Variants in OSBPL6 observed in about 807,000 individuals in gnomAD.
The protein encoded by OSBPL6 is oxysterol-binding protein-related protein 6.
OSBPL6 carries 49 observed loss-of-function variants against 125.8 expected under a neutral mutation model. That is an observed-to-expected ratio of 0.39 (90% CI 0.31 to 0.49). The LOEUF (loss-of-function observed/expected upper bound fraction) is 0.49, where lower values mean the gene tolerates loss of function less well. Among genes scored for constraint, OSBPL6 ranks in the 20% least tolerant of loss-of-function variants. OSBPL6 has a pLI of 0.88. For synonymous variants in OSBPL6, 394 were observed against 391.8 expected, an observed-to-expected ratio of 1.01 and a Z score of -0.07; for missense variants, 986 against 1,135.4, an observed-to-expected ratio of 0.87 and a Z score of 1.89.
At chr2:178,249,903 T>C (rs1471754719) in intron 1 of OSBPL6, among the ~76,000 whole-genome samples, 2 of 150,898 alleles carry the variant, frequency 1.3e-5, no homozygotes, top group Non-Finnish European at 2.9e-5. Context: ...CCACTTCCAG[T>C]AGGAGAGAGT....
intron 10 of OSBPL6, 78 bp downstream of exon 10, chr2:178,339,172 TAA>T (rs1448793889): frequency 1.3e-5 from 10 of 788,760 alleles, no homozygotes; most frequent in African/African-American, 1.3e-4. Context: ...TATGAATATA[TAA>T]GGTAACATTT....
chr2:178,383,341 C>G, intron 17 of OSBPL6, 64 bp downstream of exon 17: 1 of 1,546,322 alleles, frequency 6.5e-7, no homozygotes, highest in African/African-American at 1.4e-5. Context: ...TGGGCTAAGC[C>G]AGAATTCATT....
At chr2:178,327,492 G>C (rs1411905425) in intron 4 of OSBPL6, among the ~76,000 whole-genome samples, 3 of 152,296 alleles carry the variant, frequency 2.0e-5, no homozygotes, top group African/African-American at 7.2e-5. Flanking sequence ...TACATAGATG[G>C]AGATTATTTT....
At position 178,265,896 on chromosome 2, in the gene OSBPL6, G is replaced by GA. The variant is rs2092217797; in HGVS notation, c.-350-19024dup. On this transcript the variant is annotated intron_variant, in intron 1 of 24. Transcript: ENST00000190611. ...AGACTAGTGGGTAAAACATATGCCT[G>GA]AAAAAAATCACAGAAATCTCTAATT... Among the ~76,000 whole-genome samples, 4 of 152,160 alleles carry GA rather than the reference G, an allele frequency of 2.6e-5. No homozygotes were observed. In the South Asian group the frequency reaches 6.2e-4, roughly 24 times the overall value.
At chr2:178,274,865 G>A (rs2092438877) in intron 1 of OSBPL6, among the ~76,000 whole-genome samples, 1 of 151,922 alleles carries the variant, frequency 6.6e-6, no homozygotes, top group African/African-American at 2.4e-5. Flanking sequence ...GTACCCTGCT[G>A]AGCAGTTTAA....
At chr2:178,387,890 G>A (rs767521501) in intron 20 of OSBPL6, among the ~76,000 whole-genome samples, 12 of 152,060 alleles carry the variant, frequency 7.9e-5, no homozygotes, top group Non-Finnish European at 1.3e-4. Context: ...TATAATCCCA[G>A]CTACTCGGGA....
intron 1 of OSBPL6, among the ~76,000 whole-genome samples, chr2:178,258,695 A>G (rs1379844814): frequency 6.6e-6 from 1 of 152,070 alleles, no homozygotes; most frequent in Admixed American, 6.6e-5. Context: ...TGTCTCTCCA[A>G]AAAAAATTCC....
At chr2:178,336,984 A>T (rs1689744081) in intron 9 of OSBPL6, among the ~76,000 whole-genome samples, 1 of 152,160 alleles carries the variant, frequency 6.6e-6, no homozygotes, top group Non-Finnish European at 1.5e-5. Flanking sequence ...TCCACTGTGG[A>T]TCAGTGATTC....
At chr2:178,236,215 T>G (rs2091046024) in intron 1 of OSBPL6, among the ~76,000 whole-genome samples, 1 of 152,196 alleles carries the variant, frequency 6.6e-6, no homozygotes, top group Non-Finnish European at 1.5e-5. Flanking sequence ...TACTCTTATA[T>G]CTTAATCCTG....
chr2:178,349,496 G>A, intron 12 of OSBPL6, 107 bp downstream of exon 12: 1 of 1,349,628 alleles, frequency 7.4e-7, no homozygotes, highest in Non-Finnish European at 1.0e-6. Context: ...AAGATTAAAT[G>A]GTTGGATATA....
chr2:178,300,073 A>G (rs1686141368), intron 2 of OSBPL6, among the ~76,000 whole-genome samples: 1 of 152,254 alleles, frequency 6.6e-6, no homozygotes, highest in Non-Finnish European at 1.5e-5. Flanking sequence ...GTCAAACTAT[A>G]GAGGACTAAA....
intron 17 of OSBPL6, 125 bp downstream of exon 17, chr2:178,383,402 A>G: frequency 7.3e-7 from 1 of 1,365,932 alleles, no homozygotes; most frequent in Non-Finnish European, 9.7e-7. Flanking sequence ...TAAAAGAGGA[A>G]TTGATCTGTT....
chr2:178,277,918 C>T (rs1434221231), intron 1 of OSBPL6, among the ~76,000 whole-genome samples: 1 of 152,198 alleles, frequency 6.6e-6, no homozygotes, highest in East Asian at 1.9e-4. Context: ...CTGAACTTCG[C>T]TCCTGTTCTT....
intron 12 of OSBPL6, among the ~76,000 whole-genome samples, chr2:178,361,317 CTCAAATATGATAA>C (rs1268384377): frequency 6.6e-6 from 1 of 152,198 alleles, no homozygotes; most frequent in Non-Finnish European, 1.5e-5. Flanking sequence ...CACAGAACTG[CTCAAATATGATAA>C]TCAAATATGG....
chr2:178,242,001 G>A (rs751405852), intron 1 of OSBPL6, among the ~76,000 whole-genome samples: 14 of 152,172 alleles, frequency 9.2e-5, no homozygotes, highest in Non-Finnish European at 1.5e-4. Flanking sequence ...ACCGTACAGG[G>A]TGGGTGTGTA....
intron 4 of OSBPL6, among the ~76,000 whole-genome samples, chr2:178,324,587 G>GA (rs1054654830): frequency 1.3e-5 from 2 of 151,852 alleles, no homozygotes; most frequent in South Asian, 2.1e-4. Context: ...TAATGGAAAA[G>GA]AAAAAAAACT....
chr2:178,245,478 C>G (rs762988322), intron 1 of OSBPL6, among the ~76,000 whole-genome samples: 1 of 152,160 alleles, frequency 6.6e-6, no homozygotes, highest in African/African-American at 2.4e-5. Flanking sequence ...CAGCCACACA[C>G]CCTTCATTAA....
intron 1 of OSBPL6, among the ~76,000 whole-genome samples, chr2:178,211,898 A>G (rs1201749139): frequency 6.6e-6 from 1 of 151,892 alleles, no homozygotes; most frequent in Non-Finnish European, 1.5e-5. Flanking sequence ...CATGGCCTGG[A>G]CTCCACCAAT....
At chr2:178,306,499 A>T (rs1283341378) in intron 3 of OSBPL6, among the ~76,000 whole-genome samples, 1 of 152,210 alleles carries the variant, frequency 6.6e-6, no homozygotes, top group Non-Finnish European at 1.5e-5. Flanking sequence ...AGGCAGACAC[A>T]GAAGGCTGGT....
Sources: allele counts gnomAD v4.1 joint callset (sites outside exome capture counted in the v4.1 genomes callset), GRCh38; gene constraint gnomAD v4.1.1; transcripts MANE v1.5; gene names NCBI Gene and HGNC (gene_info 2026-07-23, HGNC 2026-07-21).